The following LNPEP variants were observed in gnomAD, a reference collection of about 807,000 sequenced individuals.
The protein encoded by LNPEP is leucyl and cystinyl aminopeptidase.
In LNPEP, 64 loss-of-function variants were observed where a neutral mutation model predicts 120.6. That is an observed-to-expected ratio of 0.53 (90% CI 0.43 to 0.65). The LOEUF (loss-of-function observed/expected upper bound fraction) is 0.65. LNPEP is among the 30% of genes least tolerant of loss of function. The pLI is 0.00. For synonymous variants in LNPEP, 435 were observed against 425.4 expected, an observed-to-expected ratio of 1.02 and a Z score of -0.28; for missense variants, 1,057 against 1,200.0, an observed-to-expected ratio of 0.88 and a Z score of 1.76.
Position 97,015,106 on chromosome 5 carries a change from C to T in LNPEP, c.2376+11C>T, listed in dbSNP as rs978340731. The T allele has an allele frequency of 9.9e-6, 15 of 1,513,304 alleles. No individual in the cohort carries two copies. Among genetic ancestry groups the T allele is most frequent in the Non-Finnish European group, 1.3e-5 (15 of 1,131,180 alleles). The allele number at this position is 1,513,304 out of a possible 1,614,324, so 93.7% of individuals were successfully genotyped here. A position where few individuals can be genotyped will look rare whatever the true frequency, so the allele number is the denominator to read the frequency against. On this transcript the variant is annotated intron_variant, in intron 13 of 17. Coordinates refer to ENST00000231368, the MANE Select transcript of LNPEP (RefSeq NM_005575.3). ...GCCTCAAGACTGGTGGTAAGTCTGC[C>T]TTTTTGCCAGCTTCTTGCTGTTTAT...
At chr5:97,016,717 G>T (rs536872751) in intron 13 of LNPEP, among the ~76,000 whole-genome samples, 2 of 152,088 alleles carry the variant, frequency 1.3e-5, no homozygotes, top group Non-Finnish European at 2.9e-5. Context: ...AAATGAAATT[G>T]TCAACTTAAG....
chr5:96,990,700 C>T (rs552049431), intron 4 of LNPEP, among the ~76,000 whole-genome samples: 113 of 152,256 alleles, frequency 7.4e-4, no homozygotes, highest in Non-Finnish European at 1.4e-3. Flanking sequence ...TGCTTAAGGT[C>T]ATACAGATAG....
chr5:96,960,847 A>G (rs150263081), intron 1 of LNPEP, among the ~76,000 whole-genome samples: 1 of 151,660 alleles, frequency 6.6e-6, no homozygotes, highest in African/African-American at 2.4e-5. Flanking sequence ...TATCTACTAT[A>G]CTGTATAACA....
At chr5:96,961,970 G>A (rs571386120) in intron 1 of LNPEP, among the ~76,000 whole-genome samples, 2 of 152,266 alleles carry the variant, frequency 1.3e-5, no homozygotes, top group African/African-American at 4.8e-5. Flanking sequence ...AAATTTAGTT[G>A]AGACATCAGC....
At chr5:97,007,188 C>T (rs569808416) in intron 11 of LNPEP, among the ~76,000 whole-genome samples, 1 of 152,100 alleles carries the variant, frequency 6.6e-6, no homozygotes, top group Non-Finnish European at 1.5e-5. Flanking sequence ...CTGTAGGACC[C>T]GTTAGTGATG....
intron 1 of LNPEP, among the ~76,000 whole-genome samples, chr5:96,976,032 A>T (rs1789984299): frequency 6.6e-6 from 1 of 152,152 alleles, no homozygotes; most frequent in African/African-American, 2.4e-5. Flanking sequence ...TTTCTTTAGG[A>T]TCCCTTCTTT....
rs547367493 is a variant in LNPEP, at chr5:96,953,304, G to A, written c.19+17130G>A. ...CCCTCGCATTCCTGATTAGCATTTT[G>A]TTAGTGTGAAAGTAAGGTATAGACA... On this transcript the variant is annotated intron_variant, in intron 1 of 17. Transcript: ENST00000231368. 2.0e-4 allele frequency among the ~76,000 whole-genome samples: 30 copies of A among 149,448 alleles called. No individual in the cohort carries two copies. The South Asian group carries it at 6.4e-3, about 32-fold the overall frequency.
intron 2 of LNPEP, among the ~76,000 whole-genome samples, chr5:96,980,232 T>C (rs1360184764): frequency 6.6e-6 from 1 of 152,114 alleles, no homozygotes; most frequent in Non-Finnish European, 1.5e-5. Context: ...CAAAACTTGT[T>C]ATCTTGAGTT....
At chr5:97,002,340 CTTTTA>C (rs927153394) in intron 8 of LNPEP, among the ~76,000 whole-genome samples, 1 of 151,944 alleles carries the variant, frequency 6.6e-6, no homozygotes, top group Non-Finnish European at 1.5e-5. Context: ...GGTAGAGAGT[CTTTTA>C]TTTGTTTAAA....
Position 96,993,903 on chromosome 5 carries a change from A to G in LNPEP, c.1339A>G (p.Ser447Gly). The change falls in exon 6 of 18, where the codon AGT becomes GGT. Residue 447 changes from serine to glycine, a missense_variant. Transcript: ENST00000231368. ...TFREETLLYD[S>G]NTSSMADRKL... ...CCGAGAGGAGACACTTCTGTATGAC[A>G]GTAACACTTCTTCAATGGCGGATAG... 1.9e-6 allele frequency: 3 copies of G among 1,613,956 alleles called. No individual in the cohort carries two copies.
chr5:97,014,482 A>G (rs924631305), intron 12 of LNPEP, among the ~76,000 whole-genome samples: 1 of 152,080 alleles, frequency 6.6e-6, no homozygotes, highest in Admixed American at 6.6e-5. Context: ...TTAAAAATGT[A>G]CTCACTGTAA....
Position 96,947,368 on chromosome 5 carries a change from G to A in LNPEP, c.19+11194G>A, listed in dbSNP as rs150368933. ...AAGAAAAAGAAAATTGAAAATTGGA[G>A]CTAAAATAATTTGATTTTTCCCTCA... On this transcript the variant is annotated intron_variant, in intron 1 of 17. Coordinates refer to ENST00000231368, the MANE Select transcript of LNPEP (RefSeq NM_005575.3). Among the ~76,000 whole-genome samples, 388 of 152,246 alleles carry A rather than the reference G, an allele frequency of 2.5e-3. 1 individual carries two copies. The highest frequency in any genetic ancestry group is 9.1e-3 in the African/African-American group (376 of 41,544).
chr5:96,960,169 C>T (rs1161995306), intron 1 of LNPEP, among the ~76,000 whole-genome samples: 1 of 152,016 alleles, frequency 6.6e-6, no homozygotes, highest in Admixed American at 6.6e-5. Context: ...AACTCCTGAC[C>T]TCAGGTGATC....
intron 1 of LNPEP, among the ~76,000 whole-genome samples, chr5:96,958,002 G>T (rs1316013559): frequency 6.6e-6 from 1 of 152,200 alleles, no homozygotes; most frequent in Non-Finnish European, 1.5e-5. Flanking sequence ...AGCCTACAGG[G>T]TCTACTTCTG....
At chr5:96,949,235 A>G (rs1472214550) in intron 1 of LNPEP, among the ~76,000 whole-genome samples, 1 of 152,212 alleles carries the variant, frequency 6.6e-6, no homozygotes, top group Non-Finnish European at 1.5e-5. Flanking sequence ...CCCAATTTGC[A>G]TGTCAAGGAC....
chr5:97,022,680 A>T (rs1167925395), intron 14 of LNPEP, among the ~76,000 whole-genome samples, 196 bp downstream of exon 14: 2 of 150,880 alleles, frequency 1.3e-5, no homozygotes, highest in Non-Finnish European at 3.0e-5. Context: ...GTACATGTGC[A>T]CAATGTGCAG....
chr5:97,014,889 T>A (rs1791026428), intron 12 of LNPEP, 50 bp from the exon 13 acceptor site: 6 of 1,340,980 alleles, frequency 4.5e-6, no homozygotes, highest in Non-Finnish European at 4.9e-6. Flanking sequence ...TGCATAGACT[T>A]CTTCTGTGTG....
At chr5:96,943,554 T>C (rs185190188) in intron 1 of LNPEP, among the ~76,000 whole-genome samples, 1 of 152,376 alleles carries the variant, frequency 6.6e-6, no homozygotes, top group African/African-American at 2.4e-5. Context: ...CCCCAAGTGC[T>C]GGTACTATAG....
rs376787721 is a variant in LNPEP at position 97,005,274 on chromosome 5, A to G, written c.1786-799A>G. Among the ~76,000 whole-genome samples, 294 of 152,286 alleles carry G rather than the reference A, an allele frequency of 1.9e-3. 1 individual carries two copies. Among genetic ancestry groups the G allele is most frequent in the African/African-American group, 6.8e-3 (282 of 41,556 alleles). On this transcript the variant is annotated intron_variant, in intron 9 of 17. Coordinates refer to ENST00000231368, the MANE Select transcript of LNPEP (RefSeq NM_005575.3). ...TTTGTTGCTTACAATTCAAATTCAT[A>G]TATAATCTAGAAAAATAATTTGAAT...
Sources: allele counts gnomAD v4.1 joint callset (sites outside exome capture counted in the v4.1 genomes callset), GRCh38; gene constraint gnomAD v4.1.1; transcripts MANE v1.5; gene names NCBI Gene and HGNC (gene_info 2026-07-23, HGNC 2026-07-21).